The following ARHGEF3 variants were observed in gnomAD, a reference collection of about 807,000 sequenced individuals.
ARHGEF3 encodes 59.8 kDA protein.
ARHGEF3 carries 28 observed loss-of-function variants against 63.2 expected under a neutral mutation model. That is an observed-to-expected ratio of 0.44 (90% confidence interval 0.33 to 0.61). The LOEUF is 0.61. Ranked by LOEUF, ARHGEF3 falls within the 20% of genes least tolerant of loss-of-function variation. ARHGEF3 has a pLI of 0.03. For synonymous variants in ARHGEF3, 266 were observed against 254.2 expected (o/e 1.05, Z -0.44); for missense variants, 533 against 659.3 (o/e 0.81, Z 2.10).
chr3:57,031,317 G>A (rs756793317), intron 2 of ARHGEF3, among the ~76,000 whole-genome samples: 1 of 152,168 alleles, frequency 6.6e-6, no homozygotes, highest in African/African-American at 2.4e-5. Flanking sequence ...TGAAACATAA[G>A]TCTATCATTC....
chr3:56,924,409 G>T (rs557070579), intron 3 of ARHGEF3, among the ~76,000 whole-genome samples: 1 of 152,286 alleles, frequency 6.6e-6, no homozygotes, highest in South Asian at 2.1e-4. Context: ...CAGGAAAGGG[G>T]TCCTGATCCA....
intron 4 of ARHGEF3, among the ~76,000 whole-genome samples, chr3:56,862,895 A>C (rs1474510368): frequency 6.6e-6 from 1 of 151,940 alleles, no homozygotes; most frequent in African/African-American, 2.4e-5. Context: ...TCTTACATTC[A>C]CTCCTACTCA....
At chr3:56,968,332 A>AT (rs1700754717) in intron 2 of ARHGEF3, among the ~76,000 whole-genome samples, 3 of 56,098 alleles carry the variant, frequency 5.3e-5, no homozygotes, top group Non-Finnish European at 7.1e-5. Context: ...TTATATATAT[A>AT]TAATATATAA....
intron 7 of ARHGEF3, among the ~76,000 whole-genome samples, chr3:56,737,562 CATTT>C (rs1282124669): frequency 2.0e-5 from 3 of 151,400 alleles, no homozygotes; most frequent in African/African-American, 7.3e-5. Flanking sequence ...CATACACACA[CATTT>C]ATTTGTATAC....
At chr3:56,878,568 C>G (rs997755951) in intron 4 of ARHGEF3, among the ~76,000 whole-genome samples, 8 of 152,120 alleles carry the variant, frequency 5.3e-5, no homozygotes, top group Non-Finnish European at 1.0e-4. Flanking sequence ...CACCCATCAC[C>G]GAGCTTTAAG....
At chr3:56,827,944 CAAAAAAAAAAAAAA>C (rs11462683) in intron 4 of ARHGEF3, among the ~76,000 whole-genome samples, 4 of 33,820 alleles carry the variant, frequency 1.2e-4, no homozygotes, top group Admixed American at 6.3e-4. Flanking sequence ...GATTCTGTCT[CAAAAAAAAAAAAAA>C]AAAAAAAAAA....
intron 7 of ARHGEF3, among the ~76,000 whole-genome samples, chr3:56,741,133 GTCTT>G (rs1247893447): frequency 2.0e-5 from 3 of 149,356 alleles, no homozygotes; most frequent in African/African-American, 4.9e-5. Context: ...ATAATGTTTT[GTCTT>G]TCTATCTACC....
Position 56,737,200 on chromosome 3 carries a change from C to T in ARHGEF3, c.1026G>A (p.Lys342=). 2 of 1,613,758 alleles carry T rather than the reference C, an allele frequency of 1.2e-6. No individual in the cohort carries two copies. The highest frequency in any genetic ancestry group is 1.7e-5 in the Admixed American group (1 of 59,986). ...AACTACTTACCACGCCCCGATTGTT[C>T]TTCAGTTCACCATGACAACACAAGA... ...SRVLCCHGEL[K]NNRGVKLHVF... is the part of the protein sequence containing the mutation. The change falls in exon 8 of 10, where the codon AAG becomes AAA. Residue 342 remains lysine, a synonymous_variant. Transcript: ENST00000296315.
At chr3:56,972,690 A>T (rs201165443) in intron 2 of ARHGEF3, among the ~76,000 whole-genome samples, 2 of 151,982 alleles carry the variant, frequency 1.3e-5, no homozygotes, top group Non-Finnish European at 2.9e-5. Flanking sequence ...ATATGGCTGG[A>T]GTGGGGTAAG....
At chr3:56,960,058 A>T (rs1700214118) in intron 2 of ARHGEF3, among the ~76,000 whole-genome samples, 1 of 152,222 alleles carries the variant, frequency 6.6e-6, no homozygotes, top group Admixed American at 6.5e-5. Flanking sequence ...CAATAATGCA[A>T]GGCAGAAAGC....
intron 4 of ARHGEF3, among the ~76,000 whole-genome samples, chr3:56,853,966 A>C (rs1478540967): frequency 6.6e-6 from 1 of 152,048 alleles, no homozygotes; most frequent in Non-Finnish European, 1.5e-5. Context: ...GAGGCCGAGG[A>C]GGGTGGATCA....
At chr3:56,777,996 TTCTA>T (rs2036365837) in intron 1 of ARHGEF3, among the ~76,000 whole-genome samples, 2 of 152,106 alleles carry the variant, frequency 1.3e-5, no homozygotes, top group African/African-American at 4.8e-5. Flanking sequence ...CTTTTCAGGG[TTCTA>T]TCTGTGTGCC....
chr3:56,901,496 T>G (rs1216922057), intron 3 of ARHGEF3, among the ~76,000 whole-genome samples: 2 of 151,940 alleles, frequency 1.3e-5, no homozygotes, highest in African/African-American at 2.4e-5. Flanking sequence ...TATGTTCTAT[T>G]AAGTCATTGT....
intron 1 of ARHGEF3, among the ~76,000 whole-genome samples, chr3:56,792,412 CCATGGT>C (rs1308536997): frequency 6.6e-6 from 1 of 152,194 alleles, no homozygotes; most frequent in Non-Finnish European, 1.5e-5. Context: ...GTGCCAGAGG[CCATGGT>C]CATGGAGCTA....
Position 56,918,964 on chromosome 3 carries a change from G to A in ARHGEF3, c.130-36610C>T, listed in dbSNP as rs138227218. The stretch of plus-strand genomic sequence containing the variant: ...AAGGCCCTACTTTTTTTTCTATCCC[G>A]ATCCCATTTGCTGGATGCACTGGTG... On this transcript the variant is annotated intron_variant, in intron 3 of 12. Transcript: ENST00000338458. 7.4e-4 allele frequency among the ~76,000 whole-genome samples: 112 copies of A among 151,846 alleles called. 2 individuals carry two copies. The highest frequency in any genetic ancestry group is 7.3e-3 in the Admixed American group (111 of 15,258).
At chr3:57,044,426 A>C (rs1411452128) in intron 1 of ARHGEF3, among the ~76,000 whole-genome samples, 2 of 152,234 alleles carry the variant, frequency 1.3e-5, no homozygotes, top group Non-Finnish European at 2.9e-5. Context: ...AGGAAGATGC[A>C]TGCTGGGGAC....
intron 1 of ARHGEF3, among the ~76,000 whole-genome samples, chr3:56,789,048 TGC>T (rs2036957212): frequency 1.3e-5 from 2 of 151,848 alleles, no homozygotes; most frequent in African/African-American, 4.8e-5. Flanking sequence ...CTGCTGCTGC[TGC>T]TGCTGCTGCT....
intron 1 of ARHGEF3, among the ~76,000 whole-genome samples, chr3:57,035,455 C>G (rs1703912461): frequency 6.6e-6 from 1 of 152,222 alleles, no homozygotes; most frequent in South Asian, 2.1e-4. Context: ...GGTCACACCA[C>G]TCCTTTGCTC....
At chr3:56,957,247 A>T (rs1209418368) in intron 3 of ARHGEF3, among the ~76,000 whole-genome samples, 1 of 152,242 alleles carries the variant, frequency 6.6e-6, no homozygotes, top group African/African-American at 2.4e-5. Context: ...TTGTAACCTG[A>T]GCTAAAATAG....
Sources: allele counts gnomAD v4.1 joint callset (sites outside exome capture counted in the v4.1 genomes callset), GRCh38; gene constraint gnomAD v4.1.1; transcripts MANE v1.5; gene names NCBI Gene and HGNC (gene_info 2026-07-23, HGNC 2026-07-21).